The following TCF7L2 variants were observed in gnomAD, a reference collection of about 807,000 sequenced individuals.
The protein encoded by TCF7L2 is transcription factor 7 like 2, also known as transcription factor 7-like 2.
A neutral mutation model predicts 77.9 loss-of-function variants in TCF7L2; 23 were observed. The ratio of observed to expected loss-of-function variants is 0.30; its 90% confidence interval spans 0.21 to 0.42. The LOEUF (loss-of-function observed/expected upper bound fraction) is 0.42. Among genes scored for constraint, TCF7L2 ranks in the 10% least tolerant of loss-of-function variants. TCF7L2 has a pLI of 1.00. For missense variants in TCF7L2, 654 were observed against 793.1 expected, an observed-to-expected ratio of 0.82 and a Z score of 2.11; for synonymous variants, 413 against 340.2, an observed-to-expected ratio of 1.21 and a Z score of -2.36.
At chr10:113,065,442 C>G (rs906350045) in intron 5 of TCF7L2, among the ~76,000 whole-genome samples, 1 of 152,180 alleles carries the variant, frequency 6.6e-6, no homozygotes, top group Admixed American at 6.5e-5. Context: ...TATTTTTGTT[C>G]AGTATATTGG....
intron 3 of TCF7L2, among the ~76,000 whole-genome samples, chr10:112,954,314 A>G (rs1398658541): frequency 1.3e-5 from 2 of 152,166 alleles, no homozygotes; most frequent in Non-Finnish European, 2.9e-5. Context: ...AAGCAGCTGC[A>G]TCCTTTAAAA....
chr10:113,082,905 G>A (rs1342506402), intron 5 of TCF7L2, among the ~76,000 whole-genome samples: 2 of 152,044 alleles, frequency 1.3e-5, no homozygotes, highest in Non-Finnish European at 2.9e-5. Context: ...CTAGTCAGTG[G>A]GAGGGTGGCA....
chr10:112,998,115 T>C (rs537858503), intron 4 of TCF7L2, among the ~76,000 whole-genome samples: 1 of 151,818 alleles, frequency 6.6e-6, no homozygotes, highest in Admixed American at 6.5e-5. Flanking sequence ...TTTTTTTTTT[T>C]TTCTAAAGAG....
intron 4 of TCF7L2, among the ~76,000 whole-genome samples, chr10:112,974,410 CTGACCTA>C (rs2038955089): frequency 6.6e-6 from 1 of 152,132 alleles, no homozygotes; most frequent in South Asian, 2.1e-4. Flanking sequence ...GCCTCGAGGT[CTGACCTA>C]TGGCAGTCAG....
At chr10:113,154,259 G>C (rs1222902271) in intron 11 of TCF7L2, among the ~76,000 whole-genome samples, 4 of 152,170 alleles carry the variant, frequency 2.6e-5, no homozygotes, top group African/African-American at 7.2e-5. Flanking sequence ...TAGCAGGCAG[G>C]CTCCATAGCC....
chr10:113,046,069 A>G (rs1033958363), intron 5 of TCF7L2, among the ~76,000 whole-genome samples: 7 of 152,000 alleles, frequency 4.6e-5, no homozygotes, highest in Middle Eastern at 3.4e-3. Context: ...GTAGACTCCA[A>G]AGTGTACATG....
chr10:113,129,515 C>A, intron 5 of TCF7L2: 4 of 1,004,856 alleles, frequency 4.0e-6, no homozygotes, highest in Non-Finnish European at 3.6e-6. Context: ...AAAATTAAAT[C>A]TGCAACCAGC....
intron 5 of TCF7L2, among the ~76,000 whole-genome samples, chr10:113,044,004 G>A (rs923160937): frequency 5.9e-5 from 9 of 152,154 alleles, no homozygotes; most frequent in African/African-American, 2.2e-4. Flanking sequence ...TTACAAAACG[G>A]CAAAAGACTT....
At chr10:112,965,240 A>G (rs931767224) in intron 4 of TCF7L2, among the ~76,000 whole-genome samples, 1 of 152,224 alleles carries the variant, frequency 6.6e-6, no homozygotes, top group Admixed American at 6.5e-5. Flanking sequence ...GCTTCTGATG[A>G]GTGTCCTGTT....
chr10:112,962,788 G>A (rs1336008003), intron 3 of TCF7L2, among the ~76,000 whole-genome samples: 1 of 152,042 alleles, frequency 6.6e-6, no homozygotes, highest in African/African-American at 2.4e-5. Context: ...TGGTAGAGAC[G>A]GGGTTTCACC....
chr10:113,091,698 G>T (rs1195124771), intron 5 of TCF7L2, among the ~76,000 whole-genome samples: 3 of 152,216 alleles, frequency 2.0e-5, no homozygotes, highest in African/African-American at 4.8e-5. Flanking sequence ...TCCAGCCTGG[G>T]CAACAGAGTG....
intron 5 of TCF7L2, among the ~76,000 whole-genome samples, chr10:113,103,578 G>T (rs958410132): frequency 1.3e-5 from 2 of 152,172 alleles, no homozygotes; most frequent in South Asian, 4.1e-4. Flanking sequence ...TGGGACCCTC[G>T]TGTTTTTCAA....
intron 5 of TCF7L2, among the ~76,000 whole-genome samples, chr10:113,110,524 A>G (rs2062994484): frequency 6.6e-6 from 1 of 152,156 alleles, no homozygotes; most frequent in Non-Finnish European, 1.5e-5. Flanking sequence ...CATGTAGTAT[A>G]CACATGTCTT....
chr10:113,143,537 G>A (rs1293324184), intron 6 of TCF7L2, among the ~76,000 whole-genome samples: 3 of 152,180 alleles, frequency 2.0e-5, no homozygotes, highest in Non-Finnish European at 2.9e-5. Flanking sequence ...ATGAAACTCC[G>A]CAGGGTGAAG....
At chr10:113,018,578 T>C (rs931341572) in intron 4 of TCF7L2, among the ~76,000 whole-genome samples, 8 of 151,676 alleles carry the variant, frequency 5.3e-5, no homozygotes, top group Non-Finnish European at 4.4e-5. Context: ...TATAAAATGA[T>C]GCATCAGCCT....
intron 5 of TCF7L2, among the ~76,000 whole-genome samples, chr10:113,073,237 T>C (rs969422490): frequency 6.6e-6 from 1 of 151,866 alleles, no homozygotes; most frequent in Non-Finnish European, 1.5e-5. Context: ...CAGGTGTCTT[T>C]CCAGTCTACA....
At chr10:113,056,749 T>C (rs568890845) in intron 5 of TCF7L2, among the ~76,000 whole-genome samples, 1 of 152,346 alleles carries the variant, frequency 6.6e-6, no homozygotes, top group East Asian at 1.9e-4. Flanking sequence ...TAGCATGGGT[T>C]TTTTACAAAG....
intron 4 of TCF7L2, among the ~76,000 whole-genome samples, chr10:113,025,954 C>T (rs1012284524): frequency 5.3e-5 from 8 of 151,996 alleles, no homozygotes; most frequent in Admixed American, 3.3e-4. Context: ...TCTCGGCTCA[C>T]TGCAACCTCT....
At position 113,039,915 on chromosome 10, in the gene TCF7L2, G is replaced by T. The variant is rs2052133223; in HGVS notation, c.451-110G>T. On this transcript the variant is annotated intron_variant, in intron 4 of 13. Coordinates refer to ENST00000627217, the MANE Select transcript of TCF7L2 (RefSeq NM_001146274.2). ...TTTTTTAATGATTATTTGCATGCTT[G>T]TATGTTTTTCAGTTTCTGACCCATG... 8.0e-6 allele frequency: 7 copies of T among 873,024 alleles called. No individual in the cohort carries two copies. The South Asian group carries it at 8.6e-5, about 11-fold the overall frequency. 54.1% of individuals were successfully genotyped at this position (873,024 alleles called of 1,614,324 possible).
Sources: gnomAD v4.1 joint callset for allele counts (sites outside exome capture counted in the v4.1 genomes callset) on GRCh38, gnomAD v4.1.1 for gene constraint, MANE v1.5 for transcripts, NCBI Gene and HGNC (gene_info 2026-07-23, HGNC 2026-07-21) for gene names.